Variants in ANKRD28 observed in about 807,000 individuals in gnomAD.
ANKRD28 encodes the protein serine/threonine-protein phosphatase 6 regulatory ankyrin repeat subunit A.
ANKRD28 carries 44 observed loss-of-function variants against 126.5 expected under a neutral mutation model. That is an observed-to-expected ratio of 0.35 (90% CI 0.27 to 0.45). ANKRD28 has a LOEUF of 0.45. Ranked by LOEUF, ANKRD28 falls within the 20% of genes least tolerant of loss-of-function variation. The probability of loss-of-function intolerance (pLI) is 1.00; values close to 1 mark genes in which losing one functional copy is unlikely to be tolerated. For missense variants in ANKRD28, 1,110 were observed against 1,316.6 expected, an observed-to-expected ratio of 0.84 and a Z score of 2.43; for synonymous variants, 442 against 468.5, an observed-to-expected ratio of 0.94 and a Z score of 0.73.
chr3:15,795,167 G>T, intron 2 of ANKRD28, 56 bp downstream of exon 2: 2 of 1,204,612 alleles, frequency 1.7e-6, no homozygotes, highest in Non-Finnish European at 1.2e-6. Flanking sequence ...ACAATTCTAG[G>T]AAAGAATTTT....
At chr3:15,716,629 T>C (rs1035799530) in intron 8 of ANKRD28, among the ~76,000 whole-genome samples, 2 of 151,864 alleles carry the variant, frequency 1.3e-5, no homozygotes, top group Non-Finnish European at 2.9e-5. Flanking sequence ...ATAGATTCCA[T>C]TGATAAGAAG....
At chr3:15,837,113 A>AC (rs1449435103) in intron 1 of ANKRD28, among the ~76,000 whole-genome samples, 1 of 151,620 alleles carries the variant, frequency 6.6e-6, no homozygotes, top group Non-Finnish European at 1.5e-5. Flanking sequence ...AAAAAAAAAA[A>AC]AACCATAAAA....
Position 15,668,901 on chromosome 3 carries a change from C to T in ANKRD28, c.*1369G>A, listed in dbSNP as rs1487199814. The T allele has an allele frequency of 1.3e-5, 2 of 152,598 alleles. No individual in the cohort carries two copies. Among genetic ancestry groups the T allele is most frequent in the South Asian group, 4.1e-4 (2 of 4,836 alleles). 9.5% of individuals were successfully genotyped at this position (152,598 alleles called of 1,614,324 possible). Reference sequence around the variant, plus strand: ...TTTTGTTGCAATTTATAGAACTTTACCCATACCTGTAAGACCCTCAATGTA... The same window carrying T: ...TTTTGTTGCAATTTATAGAACTTTATCCATACCTGTAAGACCCTCAATGTA... On this transcript the variant is annotated 3_prime_UTR_variant, in exon 28 of 28. Transcript: ENST00000683139.
chr3:15,698,436 G>C (rs1387942155), intron 14 of ANKRD28, among the ~76,000 whole-genome samples: 2 of 152,200 alleles, frequency 1.3e-5, no homozygotes, highest in African/African-American at 4.8e-5. Context: ...ATTAGGAAAA[G>C]AGGAAGTCAA....
chr3:15,774,164 T>A (rs190390826), intron 2 of ANKRD28, among the ~76,000 whole-genome samples: 43 of 152,324 alleles, frequency 2.8e-4, no homozygotes, highest in African/African-American at 1.0e-3. Flanking sequence ...CATAGACCTA[T>A]TTCCCAAATC....
At chr3:15,711,158 C>T (rs2126060710) in intron 12 of ANKRD28, 53 bp downstream of exon 12, 14 of 1,416,292 alleles carry the variant, frequency 9.9e-6, no homozygotes, top group Admixed American at 1.9e-5. Flanking sequence ...TAAGAGAAAA[C>T]CTGCCATGAC....
intron 1 of ANKRD28, among the ~76,000 whole-genome samples, chr3:15,832,399 A>T (rs2061224744): frequency 6.6e-6 from 1 of 152,194 alleles, no homozygotes; most frequent in Non-Finnish European, 1.5e-5. Flanking sequence ...GGGAATCTTT[A>T]AGCTCAAGAT....
At position 15,689,281 on chromosome 3, in the gene ANKRD28, C is replaced by T. The variant is rs564284045; in HGVS notation, c.1963+738G>A. ...AGCACAACCTTCAAAACAACACAGG[C>T]GCCTCTCTGATCCTGCCCTACCTAA... On this transcript the variant is annotated intron_variant, in intron 18 of 27. Coordinates refer to ENST00000683139, the MANE Select transcript of ANKRD28 (RefSeq NM_001349278.2). 1.5e-3 allele frequency among the ~76,000 whole-genome samples: 225 copies of T among 152,264 alleles called. 1 individual carries two copies. Among genetic ancestry groups the T allele is most frequent in the Non-Finnish European group, 2.6e-3 (174 of 68,016 alleles).
rs1423688998 is a variant in ANKRD28 at position 15,709,662 on chromosome 3, C to T, written c.1406+6G>A. Reference sequence around the variant, plus strand: ...GGCTCCATAAAGAAACTGTATCATACCCTACCTCCCAAATTTGTCCTTTTT... The same window carrying T: ...GGCTCCATAAAGAAACTGTATCATATCCTACCTCCCAAATTTGTCCTTTTT... On this transcript the variant is annotated splice_donor_region_variant and intron_variant, in intron 13 of 27. Coordinates refer to ENST00000683139, the MANE Select transcript of ANKRD28 (RefSeq NM_001349278.2). 1.2e-5 allele frequency: 19 copies of T among 1,570,780 alleles called. No homozygotes were observed. The South Asian group carries it at 1.8e-4, about 15-fold the overall frequency.
intron 4 of ANKRD28, among the ~76,000 whole-genome samples, chr3:15,749,777 A>G (rs1339609930): frequency 6.6e-6 from 1 of 152,172 alleles, no homozygotes; most frequent in East Asian, 1.9e-4. Flanking sequence ...TTCTGGGTCT[A>G]GTAACCCAGT....
intron 3 of ANKRD28, among the ~76,000 whole-genome samples, chr3:15,765,311 A>C (rs1257709040): frequency 6.6e-6 from 1 of 152,198 alleles, no homozygotes; most frequent in Non-Finnish European, 1.5e-5. Context: ...TAGAAAAAAT[A>C]ATAAAGGAGT....
chr3:15,842,030 T>C (rs1559591164), intron 1 of ANKRD28, among the ~76,000 whole-genome samples: 1 of 149,148 alleles, frequency 6.7e-6, no homozygotes, highest in Non-Finnish European at 1.5e-5. Flanking sequence ...ATATATTGTG[T>C]ATAATTTTTA....
intron 8 of ANKRD28, among the ~76,000 whole-genome samples, chr3:15,717,304 G>A (rs1388736722): frequency 2.6e-5 from 4 of 152,078 alleles, no homozygotes; most frequent in Non-Finnish European, 5.9e-5. Flanking sequence ...AAGCCTATAT[G>A]TGGCACTGGA....
At chr3:15,708,984 A>G (rs548083478) in intron 13 of ANKRD28, among the ~76,000 whole-genome samples, 2 of 152,244 alleles carry the variant, frequency 1.3e-5, no homozygotes, top group African/African-American at 4.8e-5. Flanking sequence ...ACCAATTCCA[A>G]CTGCCTTCAA....
intron 6 of ANKRD28, among the ~76,000 whole-genome samples, chr3:15,729,141 T>C (rs2470524): frequency 0.81 from 124,014 of 152,210 alleles, 50,668 homozygotes; most frequent in East Asian, 0.92. Context: ...TAGGCCCCAC[T>C]CAACTACATA....
intron 6 of ANKRD28, among the ~76,000 whole-genome samples, chr3:15,731,082 C>T (rs1413611502): frequency 1.3e-5 from 2 of 152,198 alleles, no homozygotes; most frequent in African/African-American, 4.8e-5. Flanking sequence ...ATTACCCAGT[C>T]TATGACATTT....
At chr3:15,747,461 C>T (rs2057551827) in intron 4 of ANKRD28, among the ~76,000 whole-genome samples, 1 of 152,148 alleles carries the variant, frequency 6.6e-6, no homozygotes, top group Non-Finnish European at 1.5e-5. Flanking sequence ...ACCCAACGAT[C>T]ACTCAGGAGC....
intron 1 of ANKRD28, among the ~76,000 whole-genome samples, chr3:15,842,867 T>G (rs1048258912): frequency 3.9e-5 from 6 of 152,200 alleles, no homozygotes; most frequent in Non-Finnish European, 5.9e-5. Flanking sequence ...TCAAACAACT[T>G]TGATTTACTG....
At chr3:15,682,850 C>T (rs2067685937) in intron 21 of ANKRD28, among the ~76,000 whole-genome samples, 1 of 152,110 alleles carries the variant, frequency 6.6e-6, no homozygotes, top group African/African-American at 2.4e-5. Flanking sequence ...TGCATATAGC[C>T]AACACACATT....
Sources: allele counts gnomAD v4.1 joint callset (sites outside exome capture counted in the v4.1 genomes callset), GRCh38; gene constraint gnomAD v4.1.1; transcripts MANE v1.5; gene names NCBI Gene and HGNC (gene_info 2026-07-23, HGNC 2026-07-21).